Variants in ZNF335 observed in about 807,000 individuals in gnomAD.
ZNF335 encodes the protein NRC-interacting factor 1.
Under a neutral mutation model 145.6 loss-of-function variants are expected in ZNF335, and 84 were observed. The observed-to-expected ratio is 0.58, with a 90% CI of 0.48 to 0.69. The LOEUF (loss-of-function observed/expected upper bound fraction) is 0.69, where lower values mean the gene tolerates loss of function less well. Among genes scored for constraint, ZNF335 ranks in the 30% least tolerant of loss-of-function variants. The pLI, the probability that ZNF335 is intolerant of heterozygous loss-of-function variation, is 0.00. For missense variants in ZNF335, 1,865 were observed against 1,809.7 expected (o/e 1.03, Z -0.55); for synonymous variants, 761 against 717.0 (o/e 1.06, Z -0.98).
chr20:45,952,005 C>G, intron 20 of ZNF335, 142 bp downstream of exon 20: 1 of 1,248,260 alleles, frequency 8.0e-7, no homozygotes, highest in Non-Finnish European at 1.1e-6. Flanking sequence ...GAGCTGGGAC[C>G]TTGCGGAGTC....
In ZNF335 at chr20:45,960,612, C is replaced by T; in HGVS notation, c.1782+4G>A. 6.2e-7 allele frequency: 1 copy of T among 1,614,104 alleles called. No homozygotes were observed. ...TCTCAGCCCCAGCCCTGGCTCCCAC[C>T]CACCTTGTCACACATGTGGGGCTTC... On this transcript the variant is annotated splice_donor_region_variant and intron_variant, in intron 12 of 27. Coordinates refer to ENST00000322927, the MANE Select transcript of ZNF335 (RefSeq NM_022095.4).
chr20:45,954,013 C>G, intron 17 of ZNF335, 65 bp from the exon 18 acceptor site: 4 of 1,501,466 alleles, frequency 2.7e-6, no homozygotes, highest in Non-Finnish European at 3.6e-6. Flanking sequence ...TGCAAGACGC[C>G]TCCCCCATCT....
intron 14 of ZNF335, 49 bp from the exon 15 acceptor site, chr20:45,959,482 C>T: frequency 7.6e-7 from 1 of 1,321,086 alleles, no homozygotes; most frequent in Non-Finnish European, 9.9e-7. Flanking sequence ...CCCTAGCCTA[C>T]CCCCTCCAGG....
Position 45,958,050 on chromosome 20 carries a change from CT to C in ZNF335, c.2254-123del. On this transcript the variant is annotated intron_variant, in intron 15 of 27. Transcript: ENST00000322927. ...TTGGCTTGTTTCATCTTCATAACCA[CT>C]TTTCTTTTTTTTTTTTTGAGATGGA... The C allele has an allele frequency of 4.1e-6, 3 of 731,936 alleles. No homozygotes were observed. The South Asian group carries it at 5.0e-5, about 12-fold the overall frequency. 45.3% of individuals were successfully genotyped at this position (731,936 alleles called of 1,614,324 possible).
chr20:45,970,236 C>G (rs2084034728), intron 2 of ZNF335: 1 of 152,926 alleles, frequency 6.5e-6, no homozygotes, highest in South Asian at 2.0e-4. Flanking sequence ...TTGTCTTTTC[C>G]TCTGCTGTAT....
chr20:45,950,175 G>C (rs1568804049), intron 22 of ZNF335, 44 bp downstream of exon 22: 27 of 1,572,118 alleles, frequency 1.7e-5, no homozygotes, highest in Non-Finnish European at 2.3e-5. Context: ...CCAAGTCTCT[G>C]GATCTACCCT....
intron 9 of ZNF335, among the ~76,000 whole-genome samples, chr20:45,962,830 TG>T (rs2083873283): frequency 7.3e-6 from 1 of 136,468 alleles, no homozygotes; most frequent in Non-Finnish European, 1.6e-5. Context: ...TTTGTTTTTT[TG>T]AGACAGAGTT....
At position 45,952,658 on chromosome 20, in the gene ZNF335, T is replaced by C. The variant is rs2083655830; in HGVS notation, c.2754A>G (p.Leu918=). The change falls in exon 19 of 28, where the codon CTA becomes CTG. Residue 918 remains leucine, a synonymous_variant. Transcript: ENST00000322927. ...TGATGTAGTGGGTGCCAGCTTCTTT[T>C]AGGGTGTCACTCACAACCACAGCCT... ...AAQAVVVSDT[L]KEAGTHYIMA... 1 of 1,613,838 alleles carries C rather than the reference T, an allele frequency of 6.2e-7. No homozygotes were observed. Among genetic ancestry groups the C allele is most frequent in the Non-Finnish European group, 8.5e-7 (1 of 1,179,994 alleles).
intron 10 of ZNF335, among the ~76,000 whole-genome samples, chr20:45,961,083 A>G (rs1261184235): frequency 2.0e-5 from 3 of 152,220 alleles, no homozygotes; most frequent in South Asian, 4.1e-4. Context: ...GCACTCAAAT[A>G]TATTTGTGAA....
chr20:45,957,845 G>T lies in ZNF335; in HGVS notation c.2337C>A (p.Ile779=). 6.2e-7 allele frequency: 1 copy of T among 1,614,002 alleles called. No homozygotes were observed. Among genetic ancestry groups the T allele is most frequent in the Non-Finnish European group, 8.5e-7 (1 of 1,180,016 alleles). ...TCCTACAGAGCTCACCTTGCTGGTA[G>T]ATGATGGTGGCGCCGCCCAGGGTGT... is the stretch of plus-strand genomic sequence containing the variant. ...CSDTLGGATI[I]YQQGAEESTA... is the part of the protein sequence containing the mutation. The change falls in exon 16 of 28, where the codon ATC becomes ATA. Residue 779 remains isoleucine, a synonymous_variant. Transcript: ENST00000322927.
In ZNF335 at chr20:45,957,921, G is replaced by A; in HGVS notation, c.2261C>T (p.Pro754Leu). 1 of 1,614,036 alleles carries A rather than the reference G, an allele frequency of 6.2e-7. No homozygotes were observed. Among genetic ancestry groups the A allele is most frequent in the Non-Finnish European group, 8.5e-7 (1 of 1,180,008 alleles). ...PSSPGPPEIP[P>L]EATTFQSSEA... The stretch of plus-strand genomic sequence containing the variant: ...AGATGACTGGAAAGTTGTCGCCTCT[G>A]GGGGTATCTATGGGGTGGAGATATG... Residue 754 changes from proline to leucine, a missense_variant, in exon 16 of 28, where the codon CCA (proline) becomes CTA (leucine). Pro to Leu is a moderately conservative substitution (Grantham distance 98). Transcript: ENST00000322927.
chr20:45,949,693 ATGGACCCCAGGAGGGG>A, intron 24 of ZNF335, 91 bp downstream of exon 24: 1 of 1,483,488 alleles, frequency 6.7e-7, no homozygotes, highest in Non-Finnish European at 9.3e-7. Context: ...GTTGGCAAGC[ATGGACCCCAGGAGGGG>A]TGGTTTGGAA....
At chr20:45,966,286 G>A (rs983538587) in intron 6 of ZNF335, among the ~76,000 whole-genome samples, 6 of 151,500 alleles carry the variant, frequency 4.0e-5, no homozygotes, top group African/African-American at 1.5e-4. Context: ...CACCGTGTTA[G>A]CCAGGATGGT....
chr20:45,949,317 C>A lies in ZNF335; in HGVS notation c.3819+16G>T. 6.2e-7 allele frequency: 1 copy of A among 1,614,068 alleles called. No homozygotes were observed. Among genetic ancestry groups the A allele is most frequent in the South Asian group, 1.1e-5 (1 of 91,082 alleles). ...CTGCCTGTGCCCCAGGTCTCCCTGTCCCCCCACGGCCCTACCTGGGACTCC... is the reference window on the plus strand; with the variant it reads ...CTGCCTGTGCCCCAGGTCTCCCTGTACCCCCACGGCCCTACCTGGGACTCC... On this transcript the variant is annotated intron_variant, in intron 26 of 27. Coordinates refer to ENST00000322927, the MANE Select transcript of ZNF335 (RefSeq NM_022095.4).
chr20:45,968,777 G>A (rs1320424161), intron 3 of ZNF335: 1 of 181,078 alleles, frequency 5.5e-6, no homozygotes, highest in African/African-American at 2.3e-5. Context: ...AACAAAAAGT[G>A]GGTACAGCAC....
At position 45,960,476 on chromosome 20, in the gene ZNF335, G is replaced by A. The variant is rs766862594; in HGVS notation, c.1832C>T (p.Thr611Met). 2.5e-6 allele frequency: 4 copies of A among 1,614,186 alleles called. No homozygotes were observed. Among genetic ancestry groups the A allele is most frequent in the East Asian group, 2.2e-5 (1 of 44,882 alleles). ...KRYTFKMHLL[T>M]HIQAVANRRF... ...GCGGTTGGCAACAGCCTGGATGTGC[G>A]TGAGCAGGTGCATTTTGAAGGTGTA... Residue 611 changes from threonine to methionine, a missense_variant, in exon 13 of 28, where the codon ACG becomes ATG. Physicochemically the swap from Thr to Met is moderately conservative, Grantham distance 81 (BLOSUM62 -1). Coordinates refer to ENST00000322927, the MANE Select transcript of ZNF335 (RefSeq NM_022095.4).
intron 17 of ZNF335, among the ~76,000 whole-genome samples, chr20:45,956,319 C>A (rs747226314): frequency 6.6e-6 from 1 of 151,928 alleles, no homozygotes; most frequent in South Asian, 2.1e-4. Flanking sequence ...ACCTCCGCCT[C>A]CTGGGTTCAA....
chr20:45,960,438 AG>A lies in ZNF335; in HGVS notation c.1859+10del. On this transcript the variant is annotated intron_variant, in intron 13 of 27. Coordinates refer to ENST00000322927, the MANE Select transcript of ZNF335 (RefSeq NM_022095.4). ...CTGCTCCCGTCCCCAGGGGCCTCCA[AG>A]GGGATGTACCTGCGGTTGGCAACAG... 1.2e-6 allele frequency: 2 copies of A among 1,614,162 alleles called. No individual in the cohort carries two copies. The highest frequency in any genetic ancestry group is 3.3e-4 in the Middle Eastern group (2 of 6,062).
intron 9 of ZNF335, among the ~76,000 whole-genome samples, chr20:45,962,385 A>G (rs1471205278): frequency 1.3e-5 from 2 of 152,270 alleles, no homozygotes; most frequent in East Asian, 3.8e-4. Context: ...ACTCTGTGCC[A>G]GGCTCTGTGC....
Sources: gnomAD v4.1 joint callset for allele counts (sites outside exome capture counted in the v4.1 genomes callset) on GRCh38, gnomAD v4.1.1 for gene constraint, MANE v1.5 for transcripts, NCBI Gene and HGNC (gene_info 2026-07-23, HGNC 2026-07-21) for gene names.